Variants in MAGI2 observed in about 807,000 individuals in gnomAD.
The protein encoded by MAGI2 is membrane-associated guanylate kinase, WW and PDZ domain-containing protein 2.
Under a neutral mutation model 133.3 loss-of-function variants are expected in MAGI2, and 35 were observed. That is an observed-to-expected ratio of 0.26 (90% CI 0.20 to 0.35). The LOEUF (loss-of-function observed/expected upper bound fraction) is 0.35, where lower values mean the gene tolerates loss of function less well. Among genes scored for constraint, MAGI2 ranks in the 10% least tolerant of loss-of-function variants. The pLI is 1.00. For synonymous variants in MAGI2, 729 were observed against 710.6 expected (o/e 1.03, Z -0.41); for missense variants, 1,636 against 1,863.4 (o/e 0.88, Z 2.25).
At chr7:78,459,585 T>G (rs7781102) in intron 6 of MAGI2, among the ~76,000 whole-genome samples, 39,369 of 152,182 alleles carry the variant, frequency 0.26, 5,168 homozygotes, top group Middle Eastern at 0.35. Context: ...TAAATGAGCA[T>G]GGTGAGCAGT....
At chr7:78,478,614 T>C (rs564161973) in intron 6 of MAGI2, among the ~76,000 whole-genome samples, 7 of 143,244 alleles carry the variant, frequency 4.9e-5, no homozygotes, top group African/African-American at 2.1e-4. Flanking sequence ...AGACATCTGG[T>C]TCCAAACAAG....
chr7:78,436,053 G>C (rs55755867), intron 6 of MAGI2, among the ~76,000 whole-genome samples: 13,705 of 152,224 alleles, frequency 0.09, 729 homozygotes, highest in Middle Eastern at 0.15. Flanking sequence ...CGGGGTGAGT[G>C]CATCAGTTTC....
chr7:79,352,175 G>A (rs1841734679), intron 1 of MAGI2, among the ~76,000 whole-genome samples: 1 of 152,110 alleles, frequency 6.6e-6, no homozygotes, highest in Non-Finnish European at 1.5e-5. Flanking sequence ...CAGGATTATA[G>A]GACTACTAAA....
intron 3 of MAGI2, among the ~76,000 whole-genome samples, chr7:78,545,735 G>A (rs1204038003): frequency 1.3e-5 from 2 of 152,134 alleles, no homozygotes; most frequent in African/African-American, 2.4e-5. Flanking sequence ...AAATGAGTTT[G>A]TGTAGAACAT....
At chr7:79,027,948 C>G (rs1438103589) in intron 1 of MAGI2, among the ~76,000 whole-genome samples, 1 of 151,798 alleles carries the variant, frequency 6.6e-6, no homozygotes, top group Admixed American at 6.6e-5. Context: ...GTAAGAAAAA[C>G]ATTACAGTAA....
chr7:78,893,088 T>C (rs1796905229), intron 2 of MAGI2, among the ~76,000 whole-genome samples: 1 of 151,860 alleles, frequency 6.6e-6, no homozygotes, highest in Non-Finnish European at 1.5e-5. Flanking sequence ...CAGACACTTC[T>C]CAAAAGAAGA....
intron 2 of MAGI2, among the ~76,000 whole-genome samples, chr7:78,686,624 T>C (rs546019399): frequency 6.7e-6 from 1 of 149,382 alleles, no homozygotes; most frequent in Non-Finnish European, 1.5e-5. Flanking sequence ...GAAGACCAGG[T>C]GTATTTATGT....
At position 79,266,334 on chromosome 7, in the gene MAGI2, CTG is replaced by C. The variant is rs1834456425; in HGVS notation, c.301+186684_301+186685del. Among the ~76,000 whole-genome samples the C allele has an allele frequency of 4.6e-5, 7 of 150,542 alleles. No homozygotes were observed. In the South Asian group the frequency reaches 1.3e-3, roughly 27 times the overall value. Reference sequence around the variant, plus strand: ...TGTGACTTTTTGCTCATCTCACACACTGTGGGAGCTAAATTTATCATGAGCTA... The same window carrying C: ...TGTGACTTTTTGCTCATCTCACACACTGGGAGCTAAATTTATCATGAGCTA... On this transcript the variant is annotated intron_variant, in intron 1 of 21. Coordinates refer to ENST00000354212, the MANE Select transcript of MAGI2 (RefSeq NM_012301.4).
intron 9 of MAGI2, among the ~76,000 whole-genome samples, chr7:78,292,693 G>T (rs879456619): frequency 6.6e-6 from 1 of 152,172 alleles, no homozygotes; most frequent in East Asian, 1.9e-4. Flanking sequence ...ATTTTACAAG[G>T]CTACAGTAAC....
chr7:78,958,310 T>C (rs1802566590), intron 2 of MAGI2, among the ~76,000 whole-genome samples: 1 of 152,078 alleles, frequency 6.6e-6, no homozygotes, highest in African/African-American at 2.4e-5. Flanking sequence ...GTCTTCTAAA[T>C]TGGGTGAGAT....
At chr7:79,275,680 C>T (rs945643110) in intron 1 of MAGI2, among the ~76,000 whole-genome samples, 4 of 152,116 alleles carry the variant, frequency 2.6e-5, no homozygotes, top group Non-Finnish European at 5.9e-5. Flanking sequence ...TCAATGTCTG[C>T]CTTCAAAGCA....
intron 1 of MAGI2, among the ~76,000 whole-genome samples, chr7:79,130,154 CAA>C (rs370367894): frequency 2.5e-5 from 3 of 120,412 alleles, no homozygotes; most frequent in African/African-American, 7.1e-5. Context: ...ACTCTCTCTA[CAA>C]AAAAAAAAAA....
chr7:78,887,390 C>A (rs536983043), intron 2 of MAGI2, among the ~76,000 whole-genome samples: 1 of 152,316 alleles, frequency 6.6e-6, no homozygotes, highest in African/African-American at 2.4e-5. Context: ...TTTATCAGCC[C>A]ATTCTGATTT....
chr7:78,117,593 T>G (rs1583986133), intron 20 of MAGI2, among the ~76,000 whole-genome samples: 3 of 152,216 alleles, frequency 2.0e-5, no homozygotes, highest in African/African-American at 7.2e-5. Flanking sequence ...TTAAAAAGCA[T>G]TCTCTTTAAG....
intron 3 of MAGI2, among the ~76,000 whole-genome samples, chr7:78,526,774 C>T (rs748862634): frequency 6.6e-6 from 1 of 151,882 alleles, no homozygotes; most frequent in Non-Finnish European, 1.5e-5. Context: ...CTTTGGGAGG[C>T]TGAGGCGGGC....
intron 21 of MAGI2, among the ~76,000 whole-genome samples, chr7:78,048,058 A>T (rs193178821): frequency 2.0e-5 from 3 of 152,298 alleles, no homozygotes; most frequent in Admixed American, 2.0e-4. Context: ...TGGCTTATTA[A>T]TCTTTCCATT....
At chr7:78,436,919 A>G (rs748181808) in intron 6 of MAGI2, among the ~76,000 whole-genome samples, 3 of 152,168 alleles carry the variant, frequency 2.0e-5, no homozygotes, top group Admixed American at 1.3e-4. Flanking sequence ...TGGAAATGGC[A>G]TTTAGGAACC....
chr7:78,938,924 A>G (rs891262785), intron 2 of MAGI2, among the ~76,000 whole-genome samples: 9 of 152,210 alleles, frequency 5.9e-5, no homozygotes, highest in African/African-American at 1.7e-4. Context: ...GATTAAGAGA[A>G]GAGAGCCTAC....
chr7:78,401,592 A>G (rs1796873941), intron 6 of MAGI2, among the ~76,000 whole-genome samples: 1 of 151,824 alleles, frequency 6.6e-6, no homozygotes, highest in South Asian at 2.1e-4. Context: ...AGAAGTTTTG[A>G]TAGTCTCTTA....
Sources: allele counts gnomAD v4.1 joint callset (sites outside exome capture counted in the v4.1 genomes callset), GRCh38; gene constraint gnomAD v4.1.1; transcripts MANE v1.5; gene names NCBI Gene and HGNC (gene_info 2026-07-23, HGNC 2026-07-21).